The following PRDM15 variants were observed in gnomAD, a reference collection of about 807,000 sequenced individuals.
PRDM15 encodes the protein PR domain zinc finger protein 15.
Under a neutral mutation model 128.6 loss-of-function variants are expected in PRDM15, and 64 were observed. The observed-to-expected ratio is 0.50, with a 90% CI of 0.41 to 0.61. The LOEUF (loss-of-function observed/expected upper bound fraction) is 0.61, where lower values mean the gene tolerates loss of function less well. Ranked by LOEUF, PRDM15 falls within the 20% of genes least tolerant of loss-of-function variation. The probability of loss-of-function intolerance (pLI) is 0.00; values close to 1 mark genes in which losing one functional copy is unlikely to be tolerated. For synonymous variants in PRDM15, 615 were observed against 621.8 expected (o/e 0.99, Z 0.16); for missense variants, 1,242 against 1,569.1 (o/e 0.79, Z 3.52).
At chr21:41,833,127 G>C (rs1011062944) in intron 11 of PRDM15, among the ~76,000 whole-genome samples, 55 of 152,188 alleles carry the variant, frequency 3.6e-4, no homozygotes, top group African/African-American at 1.3e-3. Flanking sequence ...AGGCTGGTGG[G>C]CCGCATTTTG....
chr21:41,851,425 G>A (rs2063425699), intron 5 of PRDM15, among the ~76,000 whole-genome samples: 2 of 151,776 alleles, frequency 1.3e-5, no homozygotes, highest in Middle Eastern at 6.8e-3. Flanking sequence ...AGACTCTGGT[G>A]GGCCCTGGGT....
chr21:41,837,868 G>C (rs2062946740), intron 8 of PRDM15, 66 bp downstream of exon 8: 7 of 1,589,512 alleles, frequency 4.4e-6, no homozygotes, highest in Non-Finnish European at 5.2e-6. Context: ...CTTCCCTCCA[G>C]AATGGCCTGG....
chr21:41,802,465 A>C (rs1209299981), intron 23 of PRDM15, among the ~76,000 whole-genome samples: 1 of 152,218 alleles, frequency 6.6e-6, no homozygotes, highest in Non-Finnish European at 1.5e-5. Context: ...GGGCAGGGAT[A>C]TCTCTCTTCA....
Position 41,823,319 on chromosome 21 carries a change from T to C in PRDM15, c.1760A>G (p.Lys587Arg), listed in dbSNP as rs1358422773. ...GTGAGGGCAGCACGCGATCGACACC[T>C]TGAAGTGGACATGGATGTGGTCCCT... ...VLRDHIHVHFKDIALMDDHQR... is the reference protein window; with the variant it reads ...VLRDHIHVHFRDIALMDDHQR... The change falls in exon 14 of 24, where the codon AAG becomes AGG. Residue 587 changes from lysine to arginine, a missense_variant and splice_region_variant. By Grantham distance (26) the Lys-to-Arg change is conservative (BLOSUM62 2). Around this residue, in one of 3 missense-constraint regions of PRDM15, gnomAD observed 602 missense variants for 788.3 expected, o/e 0.76. Coordinates refer to ENST00000398548, the MANE Select transcript of PRDM15 (RefSeq NM_001040424.3). 1 of 1,608,278 alleles carries C rather than the reference T, an allele frequency of 6.2e-7. No individual in the cohort carries two copies. The highest frequency in any genetic ancestry group is 2.2e-5 in the East Asian group (1 of 44,638).
At chr21:41,822,188 C>A in intron 14 of PRDM15, 151 bp from the exon 15 acceptor site, 1 of 1,081,952 alleles carries the variant, frequency 9.2e-7, no homozygotes, top group East Asian at 2.5e-5. Flanking sequence ...CACTTGTGCC[C>A]TAGCCCATCC....
intron 13 of PRDM15, among the ~76,000 whole-genome samples, chr21:41,824,889 C>A (rs2062413103): frequency 6.6e-6 from 1 of 152,256 alleles, no homozygotes; most frequent in Non-Finnish European, 1.5e-5. Context: ...GGTGATGGTG[C>A]TGCATGCTGG....
chr21:41,851,933 C>T (rs1321003630), intron 5 of PRDM15, among the ~76,000 whole-genome samples: 1 of 152,210 alleles, frequency 6.6e-6, no homozygotes, highest in Non-Finnish European at 1.5e-5. Flanking sequence ...TTAAGCTATG[C>T]TCAGGTGACC....
At position 41,815,697 on chromosome 21, in the gene PRDM15, G is replaced by T. The variant is rs776087805; in HGVS notation, c.2392+8C>A. 1.4e-5 allele frequency: 23 copies of T among 1,612,354 alleles called. No individual in the cohort carries two copies. The highest frequency in any genetic ancestry group is 1.9e-5 in the Non-Finnish European group (22 of 1,179,874). ...CCGTGGCTGGCGCGGCCCGGGCCTC[G>T]GACTCACCCGTGTGCCGCTTGCAGT... is the stretch of plus-strand genomic sequence containing the variant. On this transcript the variant is annotated splice_region_variant and intron_variant, in intron 19 of 23. Transcript: ENST00000398548.
chr21:41,846,363 A>G (rs376011609), intron 6 of PRDM15, among the ~76,000 whole-genome samples: 32 of 152,246 alleles, frequency 2.1e-4, no homozygotes, highest in African/African-American at 6.5e-4. Context: ...AATGTGTTCA[A>G]TTCTCTCCCG....
At chr21:41,878,653 CT>C in intron 1 of PRDM15, 2 of 1,339,412 alleles carry the variant, frequency 1.5e-6, no homozygotes, top group African/African-American at 1.5e-5. Context: ...CACCAAAAGG[CT>C]TACGAAAATA....
At chr21:41,839,551 G>T in intron 7 of PRDM15, 72 bp downstream of exon 7, 4 of 1,292,568 alleles carry the variant, frequency 3.1e-6, no homozygotes, top group Non-Finnish European at 3.4e-6. Context: ...TCTGCCCCCT[G>T]CCCCGCCAGC....
At chr21:41,869,029 G>A (rs551795025) in intron 1 of PRDM15, among the ~76,000 whole-genome samples, 38 of 152,186 alleles carry the variant, frequency 2.5e-4, no homozygotes, top group Admixed American at 5.2e-4. Context: ...GTTATTTTAC[G>A]GTTGTGCTTG....
At chr21:41,819,249 C>T (rs1363347711) in intron 18 of PRDM15, among the ~76,000 whole-genome samples, 1 of 152,228 alleles carries the variant, frequency 6.6e-6, no homozygotes, top group Non-Finnish European at 1.5e-5. Flanking sequence ...ATGGTAGATA[C>T]CTTGGTCACA....
chr21:41,860,297 G>C (rs9982608), intron 2 of PRDM15, 30 bp downstream of exon 2: 1 of 1,602,624 alleles, frequency 6.2e-7, no homozygotes, highest in Non-Finnish European at 8.5e-7. Context: ...GGCTGGTCTC[G>C]GACCTGGGAC....
At chr21:41,819,460 G>GCCCCCCCC in intron 18 of PRDM15, 122 bp downstream of exon 18, 1 of 598,286 alleles carries the variant, frequency 1.7e-6, no homozygotes, top group Non-Finnish European at 2.6e-6. Flanking sequence ...CGTGGCCCCG[G>GCCCCCCCC]CCCCCGCCCC....
chr21:41,855,895 T>C (rs2063567344), intron 4 of PRDM15, among the ~76,000 whole-genome samples: 1 of 143,768 alleles, frequency 7.0e-6, no homozygotes, highest in Admixed American at 7.0e-5. Flanking sequence ...TTTTCTTTCC[T>C]TCCTTCCTTC....
chr21:41,820,965 T>C, intron 16 of PRDM15, 102 bp downstream of exon 16: 1 of 1,457,280 alleles, frequency 6.9e-7, no homozygotes, highest in Non-Finnish European at 9.5e-7. Flanking sequence ...AGGACATCAC[T>C]TGTTGGAAGC....
At chr21:41,845,835 G>A (rs1284791192) in intron 6 of PRDM15, among the ~76,000 whole-genome samples, 1 of 152,054 alleles carries the variant, frequency 6.6e-6, no homozygotes, top group Non-Finnish European at 1.5e-5. Flanking sequence ...GAGCAGCAAC[G>A]TCTGTCTGGC....
intron 14 of PRDM15, 58 bp downstream of exon 14, chr21:41,823,260 C>T (rs1038548162): frequency 3.0e-5 from 48 of 1,583,164 alleles, no homozygotes; most frequent in South Asian, 1.4e-4. Context: ...CTGTGACAGA[C>T]GCTGGCCTGG....
Sources: gnomAD v4.1 joint callset for allele counts (sites outside exome capture counted in the v4.1 genomes callset) on GRCh38, gnomAD v4.1.1 for gene constraint, gnomAD v4.1.1 regional missense constraint, MANE v1.5 for transcripts, NCBI Gene and HGNC (gene_info 2026-07-23, HGNC 2026-07-21) for gene names.